Variants in PPM1L observed in about 807,000 individuals in gnomAD.
PPM1L encodes the protein protein phosphatase, Mg2+/Mn2+ dependent 1L.
PPM1L carries 13 observed loss-of-function variants against 31.4 expected under a neutral mutation model. The observed-to-expected ratio is 0.41, with a 90% confidence interval of 0.27 to 0.66. PPM1L has a LOEUF of 0.66. Among genes scored for constraint, PPM1L ranks in the 30% least tolerant of loss-of-function variants. The pLI is 0.29. For missense variants in PPM1L, 326 were observed against 453.7 expected, an observed-to-expected ratio of 0.72 and a Z score of 2.56; for synonymous variants, 184 against 175.4, an observed-to-expected ratio of 1.05 and a Z score of -0.39.
chr3:161,039,942 A>C lies in PPM1L; in HGVS notation c.575-25461A>C, dbSNP rs528182586. Among the ~76,000 whole-genome samples the C allele has an allele frequency of 4.0e-4, 61 of 152,320 alleles. 1 individual carries two copies. The South Asian group carries it at 0.01, about 26-fold the overall frequency. ...GCCTGAATCAAATAAACTTCTCCAAATAAATGCTACAATCCTGATTTCTGC... is the reference window on the plus strand; with the variant it reads ...GCCTGAATCAAATAAACTTCTCCAACTAAATGCTACAATCCTGATTTCTGC... On this transcript the variant is annotated intron_variant, in intron 2 of 3. Coordinates refer to ENST00000498165, the MANE Select transcript of PPM1L (RefSeq NM_139245.4).
chr3:160,880,775 A>G (rs1347788528), intron 1 of PPM1L, among the ~76,000 whole-genome samples: 2 of 152,174 alleles, frequency 1.3e-5, no homozygotes, highest in Non-Finnish European at 2.9e-5. Context: ...TGACCCAATC[A>G]AATTGACTTT....
chr3:160,783,324 G>T (rs1041773289), intron 1 of PPM1L, among the ~76,000 whole-genome samples: 1 of 152,244 alleles, frequency 6.6e-6, no homozygotes, highest in African/African-American at 2.4e-5. Context: ...TGGAGGCTGG[G>T]TGCGGTGGCT....
intron 1 of PPM1L, among the ~76,000 whole-genome samples, chr3:160,858,050 A>T (rs1711773495): frequency 6.6e-6 from 1 of 152,136 alleles, no homozygotes; most frequent in African/African-American, 2.4e-5. Context: ...TCTTGGTGAA[A>T]CATTTAGGCT....
chr3:160,843,636 G>T (rs1054070044), intron 1 of PPM1L, among the ~76,000 whole-genome samples: 3 of 150,976 alleles, frequency 2.0e-5, no homozygotes, highest in Non-Finnish European at 4.4e-5. Context: ...ACCACAACAG[G>T]CCCCGGTGTG....
intron 2 of PPM1L, among the ~76,000 whole-genome samples, chr3:161,062,484 A>G (rs4339146): frequency 0.21 from 31,818 of 151,994 alleles, 3,488 homozygotes; most frequent in East Asian, 0.28. Flanking sequence ...CCCTATATTT[A>G]TTACATTAAT....
At chr3:160,889,829 G>A (rs1713071400) in intron 1 of PPM1L, among the ~76,000 whole-genome samples, 1 of 152,210 alleles carries the variant, frequency 6.6e-6, no homozygotes, top group East Asian at 1.9e-4. Context: ...TCATCCCTGG[G>A]ATGCAAGGCT....
chr3:161,014,292 T>C (rs1331449900), intron 2 of PPM1L, among the ~76,000 whole-genome samples: 1 of 152,174 alleles, frequency 6.6e-6, no homozygotes, highest in East Asian at 1.9e-4. Flanking sequence ...GATTTATCTT[T>C]TCCTAAAGTT....
intron 2 of PPM1L, among the ~76,000 whole-genome samples, chr3:161,013,406 T>C (rs1717962273): frequency 6.6e-6 from 1 of 152,258 alleles, no homozygotes; most frequent in South Asian, 2.1e-4. Flanking sequence ...TTATAATTTC[T>C]GTTCTTTTAC....
chr3:160,824,159 G>T (rs1481531864), intron 1 of PPM1L, among the ~76,000 whole-genome samples: 2 of 152,070 alleles, frequency 1.3e-5, no homozygotes, highest in Non-Finnish European at 2.9e-5. Context: ...GAACTGTCAT[G>T]AATGGGATTA....
chr3:160,851,540 G>C (rs976691011), intron 1 of PPM1L, among the ~76,000 whole-genome samples: 3 of 152,280 alleles, frequency 2.0e-5, no homozygotes, highest in Middle Eastern at 3.4e-3. Flanking sequence ...TTAAATCTTC[G>C]TAGAGAAAGT....
intron 1 of PPM1L, among the ~76,000 whole-genome samples, chr3:160,944,783 T>TTATATAACA (rs1553748112): frequency 1.9e-5 from 1 of 52,576 alleles, no homozygotes; most frequent in Non-Finnish European, 4.6e-5. Context: ...ATATATTATA[T>TTATATAACA]TATATATGTT....
intron 2 of PPM1L, among the ~76,000 whole-genome samples, chr3:161,015,154 A>G (rs1459185177): frequency 6.6e-6 from 1 of 152,030 alleles, no homozygotes; most frequent in Non-Finnish European, 1.5e-5. Flanking sequence ...AAGCATCATA[A>G]TACACATTTC....
At chr3:160,874,697 A>C (rs1196904885) in intron 1 of PPM1L, among the ~76,000 whole-genome samples, 5 of 152,164 alleles carry the variant, frequency 3.3e-5, no homozygotes, top group Non-Finnish European at 7.3e-5. Context: ...ATTAATAATG[A>C]TGTGTGGGTT....
intron 1 of PPM1L, among the ~76,000 whole-genome samples, chr3:160,784,532 G>T (rs986039077): frequency 4.4e-4 from 67 of 152,194 alleles, no homozygotes; most frequent in African/African-American, 1.5e-3. Flanking sequence ...ATGAGGTCGG[G>T]TTACCCATAC....
rs554241787 is a variant in PPM1L, at chr3:160,921,829, T to G, written c.400-39907T>G. 2.0e-5 allele frequency among the ~76,000 whole-genome samples: 3 copies of G among 151,770 alleles called. No individual in the cohort carries two copies. In the East Asian group the frequency reaches 5.8e-4, roughly 29 times the overall value. On this transcript the variant is annotated intron_variant, in intron 1 of 3. Coordinates refer to ENST00000498165, the MANE Select transcript of PPM1L (RefSeq NM_139245.4). ...ATACAACCCCATTTGAGGAAGGCAG[T>G]TAAAAATTCAGTTAACTAAGGTTAC... is the stretch of plus-strand genomic sequence containing the variant.
intron 1 of PPM1L, among the ~76,000 whole-genome samples, chr3:160,891,093 AGT>A (rs1713122144): frequency 6.6e-6 from 1 of 152,250 alleles, no homozygotes; most frequent in Non-Finnish European, 1.5e-5. Context: ...AAACACCAAA[AGT>A]AATTGCAACA....
chr3:161,008,581 CTT>C (rs1207102944), intron 2 of PPM1L, among the ~76,000 whole-genome samples: 1 of 152,176 alleles, frequency 6.6e-6, no homozygotes, highest in African/African-American at 2.4e-5. Flanking sequence ...GAAGTCTTCT[CTT>C]CACCTTACTA....
rs541764594 is a variant in PPM1L at position 160,873,226 on chromosome 3, C to T, written c.400-88510C>T. 3.3e-5 allele frequency among the ~76,000 whole-genome samples: 5 copies of T among 152,278 alleles called. No individual in the cohort carries two copies. The South Asian group carries it at 1.0e-3, about 32-fold the overall frequency. ...GTCACCAAGGTATTCTAGGTTCTAA[C>T]AAGCATATGGGCATCTCTCCCTTAT... On this transcript the variant is annotated intron_variant, in intron 1 of 3. Transcript: ENST00000498165.
intron 1 of PPM1L, among the ~76,000 whole-genome samples, chr3:160,944,077 A>G (rs1411851550): frequency 6.6e-6 from 1 of 152,146 alleles, no homozygotes; most frequent in Admixed American, 6.6e-5. Flanking sequence ...ATTTGGGTAT[A>G]GGACATAAAG....
Sources: allele counts gnomAD v4.1 joint callset (sites outside exome capture counted in the v4.1 genomes callset), GRCh38; gene constraint gnomAD v4.1.1; transcripts MANE v1.5; gene names NCBI Gene and HGNC (gene_info 2026-07-23, HGNC 2026-07-21).